Variants in ZDHHC13 observed in about 807,000 individuals in gnomAD.
ZDHHC13 encodes zDHHC palmitoyltransferase 13.
In ZDHHC13, 85 loss-of-function variants were observed where a neutral mutation model predicts 86.0. The ratio of observed to expected loss-of-function variants is 0.99; its 90% CI spans 0.83 to 1.18. The LOEUF (loss-of-function observed/expected upper bound fraction) is 1.18. Ranked by LOEUF, ZDHHC13 falls within the 50% of genes most tolerant of loss-of-function variation. The pLI, the probability that ZDHHC13 is intolerant of heterozygous loss-of-function variation, is 0.00. For synonymous variants in ZDHHC13, 263 were observed against 246.4 expected (o/e 1.07, Z -0.63); for missense variants, 711 against 730.2 (o/e 0.97, Z 0.30).
At chr11:19,145,563 T>C (rs1176286320) in intron 2 of ZDHHC13, among the ~76,000 whole-genome samples, 1 of 152,246 alleles carries the variant, frequency 6.6e-6, no homozygotes, top group Non-Finnish European at 1.5e-5. Context: ...TTCCCTCTCA[T>C]GCTTTATGCT....
At chr11:19,170,352 GAGACTGA>G (rs2133480299) in intron 14 of ZDHHC13, 52 bp from the exon 15 acceptor site, 1 of 1,473,018 alleles carries the variant, frequency 6.8e-7, no homozygotes, top group South Asian at 1.3e-5. Flanking sequence ...TATCTTCTTG[GAGACTGA>G]TAAGTAGTTT....
At chr11:19,157,788 C>T (rs1008389527) in intron 9 of ZDHHC13, among the ~76,000 whole-genome samples, 11 of 152,184 alleles carry the variant, frequency 7.2e-5, no homozygotes, top group South Asian at 2.1e-4. Context: ...TAAAAATGGA[C>T]GCAATTCAAA....
chr11:19,161,289 T>G (rs140192360), intron 10 of ZDHHC13, among the ~76,000 whole-genome samples: 1 of 152,040 alleles, frequency 6.6e-6, no homozygotes, highest in African/African-American at 2.4e-5. Context: ...TTATGCACCA[T>G]TGGGGCAAGG....
At chr11:19,172,624 C>A in intron 15 of ZDHHC13, 99 bp from the exon 16 acceptor site, 1 of 910,572 alleles carries the variant, frequency 1.1e-6, no homozygotes, top group Non-Finnish European at 1.6e-6. Context: ...AAGGAGAACA[C>A]ACAAATTGAG....
Position 19,156,061 on chromosome 11 carries a change from G to A in ZDHHC13, c.1007+132G>A, listed in dbSNP as rs559185402. ...TACTTACCATATAACAGCATCCTGC[G>A]GGTGGATGGGAGGAAAGGGCTCTGG... On this transcript the variant is annotated intron_variant, in intron 9 of 16. Coordinates refer to ENST00000446113, the MANE Select transcript of ZDHHC13 (RefSeq NM_019028.3). The A allele has an allele frequency of 3.0e-4, 347 of 1,145,138 alleles. 2 individuals are homozygous for A. In the Middle Eastern group the frequency reaches 3.7e-3, roughly 12 times the overall value. The allele number at this position is 1,145,138 out of a possible 1,614,324, so 70.9% of individuals were successfully genotyped here. A position where few individuals can be genotyped will look rare whatever the true frequency, so the allele number is the denominator to read the frequency against.
At chr11:19,122,461 C>T (rs1380463504) in intron 1 of ZDHHC13, among the ~76,000 whole-genome samples, 1 of 152,068 alleles carries the variant, frequency 6.6e-6, no homozygotes, top group African/African-American at 2.4e-5. Flanking sequence ...TAGAAATCAG[C>T]TTAAGCTACT....
At chr11:19,119,483 G>T (rs74443056) in intron 1 of ZDHHC13, among the ~76,000 whole-genome samples, 3,402 of 152,240 alleles carry the variant, frequency 0.022, 100 homozygotes, top group East Asian at 0.12. Flanking sequence ...CTTACTTCTG[G>T]AATGCTCTTT....
At chr11:19,164,139 A>C (rs1295001241) in intron 11 of ZDHHC13, 162 bp from the exon 12 acceptor site, 1 of 646,410 alleles carries the variant, frequency 1.5e-6, no homozygotes, top group Non-Finnish European at 2.5e-6. Flanking sequence ...GCAACCTTGA[A>C]GAGTCACATC....
chr11:19,152,733 C>T, intron 8 of ZDHHC13, 49 bp downstream of exon 8: 1 of 1,608,484 alleles, frequency 6.2e-7, no homozygotes. Context: ...TTTTTTTGTT[C>T]ATTTGGTTTT....
intron 2 of ZDHHC13, among the ~76,000 whole-genome samples, chr11:19,143,708 A>G (rs1206596605): frequency 1.3e-5 from 2 of 152,232 alleles, no homozygotes; most frequent in African/African-American, 4.8e-5. Flanking sequence ...ATGGAAGTAC[A>G]TTTTGAAAGT....
intron 8 of ZDHHC13, among the ~76,000 whole-genome samples, chr11:19,155,540 C>A (rs532943501): frequency 6.9e-6 from 1 of 144,066 alleles, no homozygotes; most frequent in South Asian, 2.2e-4. Context: ...GAGATCGCAC[C>A]ATTGTGCTCC....
At chr11:19,164,719 A>G (rs139577628) in intron 12 of ZDHHC13, 14 of 414,938 alleles carry the variant, frequency 3.4e-5, no homozygotes, top group African/African-American at 2.6e-4. Flanking sequence ...CAAGGGAGGA[A>G]GTAAATTCTC....
chr11:19,138,642 A>C (rs1407159136), intron 1 of ZDHHC13, among the ~76,000 whole-genome samples: 2 of 150,052 alleles, frequency 1.3e-5, no homozygotes, highest in Non-Finnish European at 3.0e-5. Context: ...ATCCTTGATG[A>C]ACATTGATGC....
intron 1 of ZDHHC13, among the ~76,000 whole-genome samples, chr11:19,129,406 G>A (rs1214516219): frequency 6.6e-6 from 1 of 152,014 alleles, no homozygotes; most frequent in African/African-American, 2.4e-5. Context: ...TTCTTTATTC[G>A]ATTGAGGAGG....
At chr11:19,161,812 C>G (rs1052821600) in intron 10 of ZDHHC13, among the ~76,000 whole-genome samples, 1 of 152,038 alleles carries the variant, frequency 6.6e-6, no homozygotes, top group Non-Finnish European at 1.5e-5. Flanking sequence ...AGCTTCTGGT[C>G]AAGTGCAAAG....
intron 1 of ZDHHC13, among the ~76,000 whole-genome samples, chr11:19,141,694 A>G (rs1052337610): frequency 3.4e-5 from 5 of 146,446 alleles, no homozygotes; most frequent in African/African-American, 1.3e-4. Flanking sequence ...TTTTTTTAAC[A>G]TTAGCGAACC....
At chr11:19,154,132 T>A (rs977921098) in intron 8 of ZDHHC13, among the ~76,000 whole-genome samples, 1 of 152,202 alleles carries the variant, frequency 6.6e-6, no homozygotes, top group African/African-American at 2.4e-5. Context: ...ACTATAAAAT[T>A]CACTTAGTAT....
At chr11:19,120,797 A>T (rs1331657327) in intron 1 of ZDHHC13, among the ~76,000 whole-genome samples, 3 of 152,188 alleles carry the variant, frequency 2.0e-5, no homozygotes. Flanking sequence ...AAAAACAACA[A>T]AAAAACCATT....
At chr11:19,140,219 GAAAA>G (rs1377369014) in intron 1 of ZDHHC13, among the ~76,000 whole-genome samples, 1 of 151,352 alleles carries the variant, frequency 6.6e-6, no homozygotes, top group South Asian at 2.1e-4. Flanking sequence ...AAATTTACAA[GAAAA>G]AAACAAACAA....
Sources: gnomAD v4.1 joint callset for allele counts (sites outside exome capture counted in the v4.1 genomes callset) on GRCh38, gnomAD v4.1.1 for gene constraint, MANE v1.5 for transcripts, NCBI Gene and HGNC (gene_info 2026-07-23, HGNC 2026-07-21) for gene names.